Variants in UPF3B observed in about 807,000 individuals in gnomAD.
The protein encoded by UPF3B is UPF3B regulator of nonsense mediated mRNA decay, also known as regulator of nonsense transcripts 3B.
UPF3B carries 7 observed loss-of-function variants against 40.3 expected under a neutral mutation model. That is an observed-to-expected ratio of 0.17 (90% confidence interval 0.10 to 0.33). The LOEUF is 0.33. Among genes scored for constraint, UPF3B ranks in the 10% least tolerant of loss-of-function variants. The probability of loss-of-function intolerance (pLI) is 1.00; values close to 1 mark genes in which losing one functional copy is unlikely to be tolerated. For missense variants in UPF3B, 229 were observed against 358.9 expected (o/e 0.64, Z 2.93); for synonymous variants, 117 against 117.3 (o/e 1.00, Z 0.01).
chrX:119,850,652 T>C (rs2056291549), intron 3 of UPF3B, among the ~76,000 whole-genome samples: 1 of 112,799 alleles, frequency 8.9e-6, no homozygotes, highest in African/African-American at 3.2e-5. Context: ...TGGCTAAATG[T>C]AGGTAGCAGA....
In UPF3B at chrX:119,819,005, C is replaced by G. The variant is rs749916288; in HGVS notation, c.495-3698G>C. 2.7e-5 allele frequency among the ~76,000 whole-genome samples: 3 copies of G among 109,140 alleles called. No individual in the cohort carries two copies. The South Asian group carries it at 1.2e-3, about 43-fold the overall frequency. The allele number at this position is 109,140 out of a possible 115,157, so 94.8% of individuals were successfully genotyped here. On this transcript the variant is annotated intron_variant, in intron 4 of 6. Coordinates refer to the UPF3B transcript ENST00000636792. ...GCAATAGTTTTTTGAGCTGCTTGAG[C>G]AACTCTCCTTATTGACTTTCTGGAG...
intron 4 of UPF3B, among the ~76,000 whole-genome samples, chrX:119,816,323 C>T (rs1047631872): frequency 9.0e-6 from 1 of 111,456 alleles, no homozygotes; most frequent in African/African-American, 3.3e-5. Flanking sequence ...GGGCAAGAGG[C>T]TCCCACAACA....
At chrX:119,830,238 G>A (rs1255694781), downstream of UPF3B, among the ~76,000 whole-genome samples, 1 of 111,202 alleles carries the variant, frequency 9.0e-6, no homozygotes, top group Non-Finnish European at 1.9e-5. Context: ...GATGTGGTTT[G>A]GATATTTGTC....
intron 8 of UPF3B, 73 bp downstream of exon 8, chrX:119,840,573 A>G: frequency 9.8e-7 from 1 of 1,018,889 alleles, no homozygotes; most frequent in Non-Finnish European, 1.4e-6. Flanking sequence ...ACCACCACCA[A>G]AAGGACTTAT....
At position 119,851,784 on chromosome X, in the gene UPF3B, A is replaced by G. The variant is rs1181395645; in HGVS notation, c.246T>C (p.Phe82=). ...TTTTTTACCTCGTATCATTAGAAAAAAACTCAAAATAATCATGCTCAGGCA... is the reference window on the plus strand; with the variant it reads ...TTTTTTACCTCGTATCATTAGAAAAGAACTCAAAATAATCATGCTCAGGCA... ...QPMPEHDYFE[F]FSNDTSLYPH... The change falls in exon 2 of 11, where the codon TTT becomes TTC. Residue 82 remains phenylalanine (F), a synonymous_variant. Transcript: ENST00000276201. The G allele has an allele frequency of 2.2e-6, 2 of 895,361 alleles. No individual in the cohort carries two copies. The highest frequency in any genetic ancestry group is 2.9e-6 in the Non-Finnish European group (2 of 679,139). The allele number at this position is 895,361 out of a possible 1,213,427, so 73.8% of individuals were successfully genotyped here. A position where few individuals can be genotyped will look rare whatever the true frequency, so the allele number is the denominator to read the frequency against.
intron 10 of UPF3B, 128 bp from the exon 11 acceptor site, chrX:119,835,155 C>A: frequency 1.3e-6 from 1 of 762,376 alleles, no homozygotes; most frequent in Non-Finnish European, 1.9e-6. Flanking sequence ...AATGTGAGGG[C>A]ACGGTAAATG....
chrX:119,850,397 T>C (rs1274018136), intron 3 of UPF3B, among the ~76,000 whole-genome samples: 1 of 111,776 alleles, frequency 8.9e-6, no homozygotes, highest in African/African-American at 3.3e-5. Context: ...GTAACTAGAA[T>C]CTAGTTAAAT....
In UPF3B at chrX:119,837,787, T is replaced by C. The variant is rs1211220094; in HGVS notation, c.1272A>G (p.Glu424=). Residue 424 remains glutamate (E), a synonymous_variant, in exon 10 of 11, where the codon GAA becomes GAG. Transcript: ENST00000276201. ...GSSEKTEKKE[E]VVKRDRIRNK... ...TTCTTATTCGATCTCTCTTGACCAC[T>C]TCTTCTTTCTTTTCAGTTTTTTCTG... 1 of 1,208,649 alleles carries C rather than the reference T, an allele frequency of 8.3e-7. No homozygotes were observed. The highest frequency in any genetic ancestry group is 1.8e-5 in the African/African-American group (1 of 57,088).
At chrX:119,834,014 C>A, downstream of UPF3B, 1 of 752,874 alleles carries the variant, frequency 1.3e-6, no homozygotes, top group Non-Finnish European at 1.6e-6. Flanking sequence ...TTAATAAACA[C>A]ACTTAGCTTC....
At position 119,834,417 on chromosome X, in the gene UPF3B, C is replaced by T; in HGVS notation, c.*461G>A. On this transcript the variant is annotated 3_prime_UTR_variant, in exon 11 of 11. Coordinates refer to ENST00000276201, the MANE Select transcript of UPF3B (RefSeq NM_080632.3). ...TACAAGGACATGCTTGTTGCTTCTA[C>T]ACTACCCAATGTCAACACTTATCAT... 2 of 800,971 alleles carry T rather than the reference C, an allele frequency of 2.5e-6. No individual in the cohort carries two copies. The highest frequency in any genetic ancestry group is 3.0e-6 in the Non-Finnish European group (2 of 669,031). 66.0% of individuals were successfully genotyped at this position (800,971 alleles called of 1,213,427 possible). A position where few individuals can be genotyped will look rare whatever the true frequency, so the allele number is the denominator to read the frequency against.
chrX:119,823,866 A>G (rs2055951796), intron 3 of UPF3B, among the ~76,000 whole-genome samples: 1 of 111,483 alleles, frequency 9.0e-6, no homozygotes, highest in South Asian at 3.7e-4. Flanking sequence ...CACTGGCCCC[A>G]GGCTTGTCTT....
chrX:119,845,340 G>C (rs1431115469), intron 3 of UPF3B, 44 bp from the exon 4 acceptor site: 2 of 1,047,043 alleles, frequency 1.9e-6, no homozygotes, highest in African/African-American at 3.7e-5. Flanking sequence ...CAAAGAAAAT[G>C]TCAAAAGTGG....
chrX:119,836,435 T>C (rs989864452), intron 10 of UPF3B, among the ~76,000 whole-genome samples: 1 of 111,478 alleles, frequency 9.0e-6, no homozygotes, highest in Non-Finnish European at 1.9e-5. Flanking sequence ...GACAGGACGT[T>C]AAGGAATTAT....
chrX:119,847,870 C>T lies in UPF3B; in HGVS notation c.371-2574G>A, dbSNP rs751375592. Among the ~76,000 whole-genome samples the T allele has an allele frequency of 1.5e-4, 17 of 111,693 alleles. No individual in the cohort carries two copies. In the South Asian group the frequency reaches 6.1e-3, roughly 40 times the overall value. Reference sequence around the variant, plus strand: ...GAGAACAAGGACTCGAATATGTGCACATCTGTGTTCATAACAATATTGTTC... The same window carrying T: ...GAGAACAAGGACTCGAATATGTGCATATCTGTGTTCATAACAATATTGTTC... On this transcript the variant is annotated intron_variant, in intron 3 of 10. Transcript: ENST00000276201.
At chrX:119,822,510 A>G (rs1035906266) in intron 4 of UPF3B, among the ~76,000 whole-genome samples, 5 of 112,919 alleles carry the variant, frequency 4.4e-5, no homozygotes, top group Non-Finnish European at 5.6e-5. Flanking sequence ...AGAAATTGCA[A>G]AAACAATAAA....
rs375351172 is a variant in UPF3B at position 119,825,067 on chromosome X, G to A, written c.393-2024C>T. ...CAGGTGTGAGTCACTGCGCCCAGCC[G>A]TATCTCCATTTCTTTCACAGCTGTA... On this transcript the variant is annotated intron_variant, in intron 3 of 6. Transcript: ENST00000636792. Among the ~76,000 whole-genome samples the A allele has an allele frequency of 9.0e-5, 10 of 111,255 alleles. No individual in the cohort carries two copies. The East Asian group carries it at 2.5e-3, about 28-fold the overall frequency.
At chrX:119,847,871 A>C (rs1450882116) in intron 3 of UPF3B, among the ~76,000 whole-genome samples, 4 of 111,888 alleles carry the variant, frequency 3.6e-5, no homozygotes, top group Admixed American at 1.9e-4. Context: ...ATATGTGCAC[A>C]TCTGTGTTCA....
At chrX:119,841,022 A>T in intron 7 of UPF3B, 54 bp downstream of exon 7, 1 of 1,166,191 alleles carries the variant, frequency 8.6e-7, no homozygotes, top group Non-Finnish European at 1.2e-6. Flanking sequence ...ATATTTAAAG[A>T]AGTAGATACG....
chrX:119,843,435 C>A, intron 4 of UPF3B, 134 bp from the exon 5 acceptor site: 1 of 465,019 alleles, frequency 2.2e-6, no homozygotes, highest in East Asian at 3.8e-5. Context: ...AAACCATACC[C>A]ACAAGGTAGA....
Sources: allele counts gnomAD v4.1 joint callset (sites outside exome capture counted in the v4.1 genomes callset), GRCh38; gene constraint gnomAD v4.1.1; transcripts MANE v1.5; gene names NCBI Gene and HGNC (gene_info 2026-07-23, HGNC 2026-07-21).